PCNX1: variants seen among roughly 807,000 people sequenced by gnomAD.
The protein encoded by PCNX1 is pecanex-like protein 1.
Under a neutral mutation model 242.2 loss-of-function variants are expected in PCNX1, and 78 were observed. The observed-to-expected ratio is 0.32, with a 90% CI of 0.27 to 0.39. The LOEUF (loss-of-function observed/expected upper bound fraction) is 0.39, where lower values mean the gene tolerates loss of function less well. Among genes scored for constraint, PCNX1 ranks in the 10% least tolerant of loss-of-function variants. The pLI is 1.00. For synonymous variants in PCNX1, 1,024 were observed against 1,032.9 expected (o/e 0.99, Z 0.17); for missense variants, 2,581 against 2,856.5 (o/e 0.90, Z 2.20).
chr14:70,945,105 A>G (rs186202682), intron 1 of PCNX1, among the ~76,000 whole-genome samples: 249 of 152,254 alleles, frequency 1.6e-3, no homozygotes, highest in African/African-American at 5.7e-3. Context: ...CCAACCCTCT[A>G]ATCAGGAGGT....
chr14:70,920,087 A>G (rs1201198429), intron 1 of PCNX1, among the ~76,000 whole-genome samples: 4 of 152,086 alleles, frequency 2.6e-5, no homozygotes, highest in African/African-American at 9.7e-5. Flanking sequence ...GTCTAGACAT[A>G]TACTCAACAG....
rs2062485929 is a variant in PCNX1, at chr14:71,102,329, A to G, written c.5820+109A>G. ...TCACTTTGGGCCCAGGCTGGAATAC[A>G]GTGGCATGATCATGGGCTTACTGCA... is the stretch of plus-strand genomic sequence containing the variant. On this transcript the variant is annotated intron_variant, in intron 31 of 35. Coordinates refer to ENST00000304743, the MANE Select transcript of PCNX1 (RefSeq NM_014982.3). 7.1e-6 allele frequency: 5 copies of G among 699,818 alleles called. No homozygotes were observed. The East Asian group carries it at 1.3e-4, about 19-fold the overall frequency. 43.4% of individuals were successfully genotyped at this position (699,818 alleles called of 1,614,324 possible).
intron 24 of PCNX1, among the ~76,000 whole-genome samples, chr14:71,052,488 C>T (rs934926962): frequency 5.3e-5 from 8 of 152,176 alleles, no homozygotes; most frequent in African/African-American, 1.9e-4. Flanking sequence ...GTTAGGATCA[C>T]AGGCATGAGC....
At chr14:71,046,941 C>T in intron 20 of PCNX1, 23 bp from the exon 21 acceptor site, 1 of 1,583,144 alleles carries the variant, frequency 6.3e-7, no homozygotes, top group Non-Finnish European at 8.6e-7. Context: ...GACATGTAGT[C>T]TTGATTTATA....
At position 71,098,509 on chromosome 14, in the gene PCNX1, C is replaced by CGTGTGTGTGT. The variant is rs3221474; in HGVS notation, c.5590-3445_5590-3436dup. On this transcript the variant is annotated intron_variant, in intron 30 of 35. Coordinates refer to ENST00000304743, the MANE Select transcript of PCNX1 (RefSeq NM_014982.3). ...TTTGGCCTCCTTGGTTAGATGTATT[C>CGTGTGTGTGT]GTGTGTGTGTGTGTGTGTGTGTGTG... Among the ~76,000 whole-genome samples, 256 of 128,664 alleles carry CGTGTGTGTGT rather than the reference C, an allele frequency of 2.0e-3. 1 individual carries two copies. The highest frequency in any genetic ancestry group is 5.5e-3 in the South Asian group (20 of 3,646). The allele number at this position is 128,664 out of a possible 152,430, so 84.4% of individuals were successfully genotyped here.
At chr14:70,939,046 G>T (rs947039010) in intron 1 of PCNX1, among the ~76,000 whole-genome samples, 3 of 152,022 alleles carry the variant, frequency 2.0e-5, no homozygotes, top group African/African-American at 7.2e-5. Context: ...CTTGCTAGTG[G>T]TCTATCAATT....
intron 1 of PCNX1, among the ~76,000 whole-genome samples, chr14:70,908,273 C>T (rs1028285201): frequency 2.6e-5 from 4 of 152,084 alleles, no homozygotes; most frequent in Admixed American, 1.3e-4. Flanking sequence ...GGCCCCTTCT[C>T]GGGGTTCCCT....
At chr14:71,001,203 A>G (rs1183723076) in intron 8 of PCNX1, among the ~76,000 whole-genome samples, 3 of 152,184 alleles carry the variant, frequency 2.0e-5, no homozygotes, top group Admixed American at 6.5e-5. Flanking sequence ...GATATTTCCT[A>G]TTGCAGTGAA....
At chr14:71,009,492 G>A (rs997936233) in intron 8 of PCNX1, 142 bp from the exon 9 acceptor site, 10 of 442,194 alleles carry the variant, frequency 2.3e-5, no homozygotes, top group Non-Finnish European at 4.0e-5. Flanking sequence ...TGAATTACAT[G>A]CAGATCATTG....
intron 26 of PCNX1, among the ~76,000 whole-genome samples, chr14:71,066,829 A>C (rs1285003027): frequency 6.6e-6 from 1 of 152,166 alleles, no homozygotes; most frequent in African/African-American, 2.4e-5. Flanking sequence ...GGGCTGTTGA[A>C]TTTTATTGAA....
rs1327708789 is a variant in PCNX1 at position 70,907,806 on chromosome 14, GGAC to G, written c.-43_-41del. ...CGAGGCCGAGCTGGGGCCGGGGCGG[GGAC>G]GGCGGCGGCGGCGGCGGCGACGGCG... On this transcript the variant is annotated 5_prime_UTR_variant, in exon 1 of 36. Coordinates refer to ENST00000304743, the MANE Select transcript of PCNX1 (RefSeq NM_014982.3). The G allele has an allele frequency of 4.1e-6, 5 of 1,233,566 alleles. No individual in the cohort carries two copies. In the African/African-American group the frequency reaches 8.0e-5, roughly 20 times the overall value. 76.4% of individuals were successfully genotyped at this position (1,233,566 alleles called of 1,614,324 possible). A position where few individuals can be genotyped will look rare whatever the true frequency, so the allele number is the denominator to read the frequency against.
chr14:70,940,912 G>A lies in PCNX1; in HGVS notation c.154-6003G>A, dbSNP rs182653472. On this transcript the variant is annotated intron_variant, in intron 1 of 35. Coordinates refer to ENST00000304743, the MANE Select transcript of PCNX1 (RefSeq NM_014982.3). ...CTGATACCCTTTCTTCCACTTGATC[G>A]AATCGGCTACTGAAGGTTGTGCATG... 4.7e-4 allele frequency among the ~76,000 whole-genome samples: 72 copies of A among 152,054 alleles called. 1 individual carries two copies. Among genetic ancestry groups the A allele is most frequent in the Admixed American group, 4.2e-3 (64 of 15,276 alleles).
chr14:71,056,688 T>C lies in PCNX1; in HGVS notation c.4637-821T>C, dbSNP rs184588278. 1.4e-3 allele frequency among the ~76,000 whole-genome samples: 211 copies of C among 152,170 alleles called. 1 individual carries two copies. The highest frequency in any genetic ancestry group is 7.1e-3 in the South Asian group (34 of 4,818). ...TTAATGTTTTTCTTTCTTTTTCTTT[T>C]TTTTTTTGGAGACAGAGTCTCTCTC... On this transcript the variant is annotated intron_variant, in intron 25 of 35. Coordinates refer to ENST00000304743, the MANE Select transcript of PCNX1 (RefSeq NM_014982.3).
chr14:70,944,047 T>C (rs1264099546), intron 1 of PCNX1, among the ~76,000 whole-genome samples: 2 of 152,214 alleles, frequency 1.3e-5, no homozygotes, highest in African/African-American at 4.8e-5. Context: ...GGAGCCCTTA[T>C]GGAAAACATC....
At position 70,969,002 on chromosome 14, in the gene PCNX1, G is replaced by A. The variant is rs1296538891; in HGVS notation, c.515-19G>A. 1 of 1,466,146 alleles carries A rather than the reference G, an allele frequency of 6.8e-7. No homozygotes were observed. Among genetic ancestry groups the A allele is most frequent in the African/African-American group, 1.4e-5 (1 of 72,202 alleles). The allele number at this position is 1,466,146 out of a possible 1,614,324, so 90.8% of individuals were successfully genotyped here. A position where few individuals can be genotyped will look rare whatever the true frequency, so the allele number is the denominator to read the frequency against. ...TACTGTTAATATAAGGTCCTCACATGTTTCTCTTAACTTTGTAGGAGATAC... is the reference window on the plus strand; with the variant it reads ...TACTGTTAATATAAGGTCCTCACATATTTCTCTTAACTTTGTAGGAGATAC... On this transcript the variant is annotated intron_variant, in intron 4 of 35. Transcript: ENST00000304743.
At chr14:71,036,208 T>A in intron 19 of PCNX1, 51 bp downstream of exon 19, 2 of 1,140,098 alleles carry the variant, frequency 1.8e-6, no homozygotes, top group Non-Finnish European at 2.7e-6. Context: ...AGACAGGGTC[T>A]CACTCTGTCA....
At chr14:71,035,344 T>C (rs891675159) in intron 18 of PCNX1, among the ~76,000 whole-genome samples, 5 of 152,252 alleles carry the variant, frequency 3.3e-5, no homozygotes, top group Admixed American at 6.5e-5. Flanking sequence ...CAATATGTTA[T>C]ACGGCATGCA....
chr14:70,919,518 A>G (rs920851184), intron 1 of PCNX1, among the ~76,000 whole-genome samples: 5 of 152,174 alleles, frequency 3.3e-5, no homozygotes, highest in African/African-American at 1.2e-4. Flanking sequence ...GACACCTGAG[A>G]GTAATAACAC....
chr14:71,101,510 C>G (rs1434403783), intron 30 of PCNX1, among the ~76,000 whole-genome samples: 10 of 152,138 alleles, frequency 6.6e-5, no homozygotes, highest in Non-Finnish European at 2.9e-5. Context: ...TAGCTTTGAG[C>G]TGTATCTTAA....
Sources: gnomAD v4.1 joint callset for allele counts (sites outside exome capture counted in the v4.1 genomes callset) on GRCh38, gnomAD v4.1.1 for gene constraint, MANE v1.5 for transcripts, NCBI Gene and HGNC (gene_info 2026-07-23, HGNC 2026-07-21) for gene names.